GSAP: variants seen among roughly 807,000 people sequenced by gnomAD.
GSAP encodes the protein gamma-secretase-activating protein.
In GSAP, 118 loss-of-function variants were observed where a neutral mutation model predicts 131.7. The observed-to-expected ratio is 0.90, with a 90% CI of 0.77 to 1.04. GSAP has a LOEUF of 1.04. Ranked by LOEUF, GSAP falls within the 50% of genes least tolerant of loss-of-function variation. GSAP has a pLI of 0.00. For synonymous variants in GSAP, 381 were observed against 363.4 expected (o/e 1.05, Z -0.55); for missense variants, 1,019 against 1,013.2 (o/e 1.01, Z -0.08).
intron 19 of GSAP, among the ~76,000 whole-genome samples, chr7:77,337,628 G>A (rs958040793): frequency 6.6e-6 from 1 of 152,112 alleles, no homozygotes; most frequent in African/African-American, 2.4e-5. Context: ...TAAGTAGAAG[G>A]GAGCAGTAAG....
intron 5 of GSAP, among the ~76,000 whole-genome samples, chr7:77,393,172 G>C (rs1031644292): frequency 4.6e-5 from 7 of 152,120 alleles, no homozygotes; most frequent in Admixed American, 3.3e-4. Context: ...CTTATTTTAA[G>C]CAACAGTGTT....
intron 12 of GSAP, among the ~76,000 whole-genome samples, chr7:77,372,522 G>A (rs957374462): frequency 1.3e-5 from 2 of 152,234 alleles, no homozygotes; most frequent in Middle Eastern, 6.8e-3. Context: ...ATCAAAGGAG[G>A]TGTGTACTGA....
At chr7:77,352,137 T>C (rs1792972701) in intron 18 of GSAP, among the ~76,000 whole-genome samples, 1 of 152,216 alleles carries the variant, frequency 6.6e-6, no homozygotes, top group South Asian at 2.1e-4. Flanking sequence ...ATACATCTTT[T>C]TTAAGGACTA....
chr7:77,324,236 C>G (rs11979186), intron 23 of GSAP, among the ~76,000 whole-genome samples: 13,864 of 152,244 alleles, frequency 0.091, 740 homozygotes, highest in African/African-American at 0.14. Flanking sequence ...CACAGACACT[C>G]AACACAGCCC....
At chr7:77,318,333 CT>C (rs1787147608) in intron 26 of GSAP, among the ~76,000 whole-genome samples, 3 of 150,452 alleles carry the variant, frequency 2.0e-5, no homozygotes, top group African/African-American at 7.3e-5. Context: ...ACTTAAGTTT[CT>C]ACCAGTTAAA....
intron 1 of GSAP, among the ~76,000 whole-genome samples, chr7:77,408,454 T>A (rs1802672516): frequency 1.3e-5 from 2 of 152,018 alleles, no homozygotes; most frequent in Admixed American, 1.3e-4. Flanking sequence ...ATCCCAGCAC[T>A]TTGGAAGGCT....
At chr7:77,313,977 T>C (rs1794695114) in intron 27 of GSAP, among the ~76,000 whole-genome samples, 1 of 152,194 alleles carries the variant, frequency 6.6e-6, no homozygotes, top group Admixed American at 6.5e-5. Flanking sequence ...TTTCGTGACA[T>C]TTTCTTGAGA....
chr7:77,364,275 G>T (rs1017036199), intron 12 of GSAP, among the ~76,000 whole-genome samples: 5 of 151,900 alleles, frequency 3.3e-5, no homozygotes, highest in African/African-American at 1.2e-4. Flanking sequence ...ATTCTTTTAG[G>T]ATTCTATCCT....
intron 12 of GSAP, among the ~76,000 whole-genome samples, chr7:77,364,930 T>TCACTGAACACTCAA (rs1795061727): frequency 6.6e-6 from 1 of 152,166 alleles, no homozygotes; most frequent in South Asian, 2.1e-4. Flanking sequence ...CCACATGTAG[T>TCACTGAACACTCAA]CACTGAACAC....
intron 12 of GSAP, among the ~76,000 whole-genome samples, chr7:77,371,160 C>T (rs1278527048): frequency 6.6e-6 from 1 of 152,172 alleles, no homozygotes; most frequent in East Asian, 1.9e-4. Context: ...ACAAAACTCA[C>T]AATCTTCCTA....
chr7:77,340,660 A>G (rs909387593), intron 19 of GSAP, among the ~76,000 whole-genome samples: 10 of 152,118 alleles, frequency 6.6e-5, no homozygotes, highest in Non-Finnish European at 1.3e-4. Context: ...CCAGTCACAG[A>G]CTCGGGAAGA....
intron 19 of GSAP, 66 bp from the exon 20 acceptor site, chr7:77,330,433 T>C: frequency 6.4e-7 from 1 of 1,568,886 alleles, no homozygotes; most frequent in African/African-American, 1.4e-5. Context: ...ACCCAGTGAG[T>C]ATTACACAAG....
chr7:77,353,286 G>A (rs553267459), intron 17 of GSAP, among the ~76,000 whole-genome samples: 3 of 151,878 alleles, frequency 2.0e-5, no homozygotes, highest in Non-Finnish European at 4.4e-5. Flanking sequence ...ACACAAAACT[G>A]GGCTAAGAAA....
chr7:77,329,397 A>C lies in GSAP; in HGVS notation c.1675-6T>G, dbSNP rs1374257592. 1.9e-6 allele frequency: 3 copies of C among 1,563,930 alleles called. No individual in the cohort carries two copies. The highest frequency in any genetic ancestry group is 2.3e-5 in the East Asian group (1 of 43,638). ...GACCTTCTTTTTCCTGTTTTCTAGG[A>C]GTGAGAACACGTCAGAAATGTGGAA... On this transcript the variant is annotated splice_region_variant and splice_polypyrimidine_tract_variant and intron_variant, in intron 20 of 30. Coordinates refer to ENST00000257626, the MANE Select transcript of GSAP (RefSeq NM_017439.4).
At chr7:77,377,237 T>TGTAAA in intron 9 of GSAP, 49 bp downstream of exon 9, 1 of 891,782 alleles carries the variant, frequency 1.1e-6, no homozygotes. Flanking sequence ...AATATTTTTG[T>TGTAAA]AAAAAAAAAA....
At chr7:77,412,862 C>G (rs1803530218) in intron 1 of GSAP, among the ~76,000 whole-genome samples, 4 of 151,826 alleles carry the variant, frequency 2.6e-5, no homozygotes, top group South Asian at 4.2e-4. Context: ...CACCACAAAT[C>G]AGAGTGTTAA....
intron 8 of GSAP, among the ~76,000 whole-genome samples, chr7:77,378,928 G>A (rs949919818): frequency 1.3e-5 from 2 of 152,186 alleles, no homozygotes; most frequent in Non-Finnish European, 2.9e-5. Flanking sequence ...CCATATTCAT[G>A]CCTAAACCCT....
intron 19 of GSAP, among the ~76,000 whole-genome samples, chr7:77,347,944 T>C (rs1584406464): frequency 1.3e-5 from 2 of 149,142 alleles, no homozygotes; most frequent in East Asian, 3.9e-4. Context: ...TTGAGGCCAG[T>C]AGATTGAGAT....
intron 9 of GSAP, 22 bp downstream of exon 9, chr7:77,377,264 G>A: frequency 9.3e-7 from 1 of 1,069,968 alleles, no homozygotes; most frequent in South Asian, 2.8e-5. Context: ...AAAAAGGAGT[G>A]CCCGTGAACT....
Sources: allele counts gnomAD v4.1 joint callset (sites outside exome capture counted in the v4.1 genomes callset), GRCh38; gene constraint gnomAD v4.1.1; transcripts MANE v1.5; gene names NCBI Gene and HGNC (gene_info 2026-07-23, HGNC 2026-07-21).